Variants in CACNB2 observed in about 807,000 individuals in gnomAD.
The protein encoded by CACNB2 is voltage-dependent L-type calcium channel subunit beta-2.
A neutral mutation model predicts 73.3 loss-of-function variants in CACNB2; 42 were observed. That is an observed-to-expected ratio of 0.57 (90% CI 0.45 to 0.74). CACNB2 has a LOEUF of 0.74. Among genes scored for constraint, CACNB2 ranks in the 30% least tolerant of loss-of-function variants. The pLI, the probability that CACNB2 is intolerant of heterozygous loss-of-function variation, is 0.00. For missense variants in CACNB2, 940 were observed against 853.0 expected (o/e 1.10, Z -1.27); for synonymous variants, 348 against 310.3 (o/e 1.12, Z -1.28).
At chr10:18,258,421 G>A (rs1209448807) in intron 2 of CACNB2, among the ~76,000 whole-genome samples, 3 of 152,096 alleles carry the variant, frequency 2.0e-5, no homozygotes. Context: ...TAGAGGTGAT[G>A]AAGGGGCCTT....
intron 3 of CACNB2, among the ~76,000 whole-genome samples, chr10:18,432,681 C>A (rs773778355): frequency 3.3e-5 from 5 of 151,824 alleles, no homozygotes; most frequent in Non-Finnish European, 5.9e-5. Context: ...AAAAAAAATA[C>A]AAAAACTAGC....
chr10:18,488,878 T>TAA (rs543939630), intron 3 of CACNB2, among the ~76,000 whole-genome samples: 3 of 143,828 alleles, frequency 2.1e-5, no homozygotes, highest in Admixed American at 7.0e-5. Flanking sequence ...GGAGAACATA[T>TAA]AAAAAAAAAA....
At chr10:18,313,499 A>T (rs1374565869) in intron 2 of CACNB2, among the ~76,000 whole-genome samples, 2 of 151,778 alleles carry the variant, frequency 1.3e-5, no homozygotes, top group East Asian at 3.9e-4. Context: ...TATTTTTTTA[A>T]ATCTGTTTTC....
chr10:18,495,591 G>GTGTGTGTA (rs768160446), intron 3 of CACNB2, among the ~76,000 whole-genome samples: 6,052 of 138,588 alleles, frequency 0.044, 180 homozygotes, highest in Middle Eastern at 0.067. Flanking sequence ...GTGTGTGTGT[G>GTGTGTGTA]TATAAGAGAT....
intron 3 of CACNB2, among the ~76,000 whole-genome samples, chr10:18,475,883 A>G (rs2048415660): frequency 6.6e-6 from 1 of 152,192 alleles, no homozygotes; most frequent in African/African-American, 2.4e-5. Context: ...GTTACTAGAA[A>G]GGGATCCCAA....
intron 3 of CACNB2, among the ~76,000 whole-genome samples, chr10:18,482,686 A>G (rs1043389376): frequency 1.3e-5 from 2 of 151,694 alleles, no homozygotes; most frequent in Non-Finnish European, 2.9e-5. Flanking sequence ...AATTTTTTGT[A>G]TTTTTAGTAG....
At position 18,542,194 on chromosome 10, in the gene CACNB2, GAAAAT is replaced by G. The variant is rs1000302960; in HGVS notation, c.*2475_*2479del. ...GGTGACAACCTGGTGTTTAAAAAAA[GAAAAT>G]AAAAATTAGTTACATATATAATGTT... On this transcript the variant is annotated 3_prime_UTR_variant, in exon 14 of 14. Coordinates refer to ENST00000324631, the MANE Select transcript of CACNB2 (RefSeq NM_201596.3). The G allele has an allele frequency of 1.3e-5, 2 of 151,902 alleles. No individual in the cohort carries two copies. The highest frequency in any genetic ancestry group is 1.3e-4 in the Admixed American group (2 of 15,240). 9.4% of individuals were successfully genotyped at this position (151,902 alleles called of 1,614,324 possible).
intron 3 of CACNB2, among the ~76,000 whole-genome samples, chr10:18,462,802 A>T (rs2047653354): frequency 6.6e-6 from 1 of 152,020 alleles, no homozygotes; most frequent in Non-Finnish European, 1.5e-5. Context: ...TCTGTTGCCC[A>T]GGCTGGAGTG....
intron 2 of CACNB2, among the ~76,000 whole-genome samples, chr10:18,321,209 C>T (rs2040386295): frequency 6.6e-6 from 1 of 152,128 alleles, no homozygotes; most frequent in Non-Finnish European, 1.5e-5. Flanking sequence ...TGATATTGAG[C>T]CTCTGATTAC....
intron 2 of CACNB2, among the ~76,000 whole-genome samples, chr10:18,179,376 C>A (rs1392666732): frequency 1.3e-5 from 2 of 152,126 alleles, no homozygotes; most frequent in Non-Finnish European, 2.9e-5. Flanking sequence ...GAGTCAGTTA[C>A]CCTGCTCTTG....
chr10:18,422,238 A>G (rs2045362474), intron 3 of CACNB2, among the ~76,000 whole-genome samples: 1 of 152,218 alleles, frequency 6.6e-6, no homozygotes, highest in African/African-American at 2.4e-5. Context: ...TCTATCAGAT[A>G]CAATCTCCAT....
intron 3 of CACNB2, among the ~76,000 whole-genome samples, chr10:18,474,396 G>C (rs1273733859): frequency 6.6e-6 from 1 of 152,164 alleles, no homozygotes; most frequent in Non-Finnish European, 1.5e-5. Context: ...CCGACGTTAA[G>C]GACATGCCTA....
intron 3 of CACNB2, among the ~76,000 whole-genome samples, chr10:18,418,374 A>G (rs1245316000): frequency 6.6e-6 from 1 of 152,220 alleles, no homozygotes; most frequent in Non-Finnish European, 1.5e-5. Context: ...ATCCGCTGTC[A>G]GTTGTTTATT....
intron 2 of CACNB2, among the ~76,000 whole-genome samples, chr10:18,291,215 A>G (rs141776821): frequency 1.8e-4 from 28 of 152,352 alleles, no homozygotes; most frequent in African/African-American, 6.0e-4. Flanking sequence ...TCTGAGCGGC[A>G]CTAGTGCCTC....
intron 3 of CACNB2, among the ~76,000 whole-genome samples, chr10:18,430,305 T>C (rs960288634): frequency 6.6e-6 from 1 of 152,186 alleles, no homozygotes; most frequent in East Asian, 1.9e-4. Context: ...TTGCATTCTA[T>C]ATTTCCATGA....
At chr10:18,188,049 C>G (rs537090638) in intron 2 of CACNB2, among the ~76,000 whole-genome samples, 21 of 152,246 alleles carry the variant, frequency 1.4e-4, no homozygotes, top group African/African-American at 5.1e-4. Context: ...CATTTGTATA[C>G]TGTTTTGTAT....
intron 2 of CACNB2, among the ~76,000 whole-genome samples, chr10:18,285,383 T>C (rs1277738): frequency 0.5 from 75,982 of 152,034 alleles, 19,712 homozygotes; most frequent in African/African-American, 0.63. Flanking sequence ...GCTCAAGCTA[T>C]ACACAGCGGT....
intron 2 of CACNB2, among the ~76,000 whole-genome samples, chr10:18,334,751 A>G (rs937550238): frequency 6.6e-6 from 1 of 152,176 alleles, no homozygotes; most frequent in Admixed American, 6.6e-5. Context: ...CTGAGGGGTC[A>G]AAATCACCCC....
At chr10:18,437,069 T>G (rs1564546433) in intron 3 of CACNB2, among the ~76,000 whole-genome samples, 1 of 152,240 alleles carries the variant, frequency 6.6e-6, no homozygotes, top group East Asian at 1.9e-4. Flanking sequence ...CTTAAATGTT[T>G]AAATAGAGAT....
Sources: gnomAD v4.1 joint callset for allele counts (sites outside exome capture counted in the v4.1 genomes callset) on GRCh38, gnomAD v4.1.1 for gene constraint, MANE v1.5 for transcripts, NCBI Gene and HGNC (gene_info 2026-07-23, HGNC 2026-07-21) for gene names.